The following KRT86 variants were observed in gnomAD, a reference collection of about 807,000 sequenced individuals.
The protein encoded by KRT86 is keratin 86.
In KRT86, 30 loss-of-function variants were observed where a neutral mutation model predicts 41.2. That is an observed-to-expected ratio of 0.73 (90% CI 0.54 to 0.99). The LOEUF (loss-of-function observed/expected upper bound fraction) is 0.99, where lower values mean the gene tolerates loss of function less well. KRT86 is among the 50% of genes least tolerant of loss of function. The pLI is 0.00. For missense variants in KRT86, 561 were observed against 571.4 expected, an observed-to-expected ratio of 0.98 and a Z score of 0.19; for synonymous variants, 238 against 238.1, an observed-to-expected ratio of 1.00 and a Z score of 0.00.
intron 2 of KRT86, among the ~76,000 whole-genome samples, chr12:52,280,714 C>A (rs761843436): frequency 7.2e-5 from 11 of 152,232 alleles, no homozygotes; most frequent in Non-Finnish European, 1.0e-4. Flanking sequence ...TAAATACTGA[C>A]CTGCCAACAC....
At chr12:52,285,187 ACATTGCC>A (rs1252911060) in intron 2 of KRT86, among the ~76,000 whole-genome samples, 1 of 152,176 alleles carries the variant, frequency 6.6e-6, no homozygotes, top group East Asian at 1.9e-4. Context: ...GAGGGTAAAT[ACATTGCC>A]CAACCCACTC....
At chr12:52,293,671 C>G (rs1938187561) in intron 2 of KRT86, among the ~76,000 whole-genome samples, 1 of 152,112 alleles carries the variant, frequency 6.6e-6, no homozygotes, top group African/African-American at 2.4e-5. Flanking sequence ...TGGAAAACAT[C>G]AGTTTTAGTT....
In KRT86 at chr12:52,293,105, T is replaced by G. The variant is rs548112819; in HGVS notation, c.-4-8808T>G. On this transcript the variant is annotated intron_variant, in intron 2 of 10. Coordinates refer to ENST00000423955, the MANE Select transcript of KRT86 (RefSeq NM_001320198.2). ...GGAGATGGAGGTTGGATCACTTCAG[T>G]ACATTTCCCCCTGTATTAGGAAAAA... 2.0e-5 allele frequency among the ~76,000 whole-genome samples: 3 copies of G among 152,332 alleles called. No individual in the cohort carries two copies. The East Asian group carries it at 5.8e-4, about 29-fold the overall frequency.
At chr12:52,305,474 G>A in intron 7 of KRT86, 70 bp downstream of exon 7, 1 of 1,612,732 alleles carries the variant, frequency 6.2e-7, no homozygotes, top group Non-Finnish European at 8.5e-7. Flanking sequence ...TATTAAATAG[G>A]CTTCCTTTTC....
Position 52,306,141 on chromosome 12 carries a change from G to A in KRT86, c.1108G>A (p.Glu370Lys), listed in dbSNP as rs200353690. The change falls in exon 9 of 11, where the codon GAG becomes AAG. Residue 370 changes from glutamate (E) to lysine (K), a missense_variant. By Grantham distance (56) the Glu-to-Lys change is moderately conservative. Around this residue, in one of 3 missense-constraint regions of KRT86, gnomAD observed 397 missense variants for 375.9 expected, o/e 1.06. Transcript: ENST00000423955. The stretch of plus-strand genomic sequence containing the variant: ...CAGCGATGCCCGCTGCAAGTTGGCC[G>A]AGCTGGAGGGTGCCCTGCAGAAGGC... Reference protein sequence around the residue: ...ALSDARCKLAELEGALQKAKQ... With the variant: ...ALSDARCKLAKLEGALQKAKQ... 7.4e-6 allele frequency: 12 copies of A among 1,613,842 alleles called. No homozygotes were observed. Among genetic ancestry groups the A allele is most frequent in the Admixed American group, 3.3e-5 (2 of 60,004 alleles).
chr12:52,293,699 A>G (rs1201259007), intron 2 of KRT86, among the ~76,000 whole-genome samples: 2 of 152,224 alleles, frequency 1.3e-5, no homozygotes, highest in Non-Finnish European at 2.9e-5. Flanking sequence ...TACCTCTGGT[A>G]TATGGCAATA....
intron 2 of KRT86, among the ~76,000 whole-genome samples, chr12:52,301,386 G>T (rs553119997): frequency 1.3e-5 from 2 of 152,244 alleles, no homozygotes; most frequent in African/African-American, 4.8e-5. Context: ...GCAGAAACAG[G>T]TCATCTAGTT....
chr12:52,283,712 T>C (rs1937837491), intron 2 of KRT86, among the ~76,000 whole-genome samples: 1 of 152,128 alleles, frequency 6.6e-6, no homozygotes, highest in Non-Finnish European at 1.5e-5. Context: ...ACTCCTGACC[T>C]CAGGTGATCT....
rs529007803 is a variant in KRT86, at chr12:52,306,504, T to A, written c.1247+224T>A. The A allele has an allele frequency of 8.6e-5, 60 of 695,760 alleles. No homozygotes were observed. In the African/African-American group the frequency reaches 9.1e-4, roughly 11 times the overall value. The allele number at this position is 695,760 out of a possible 1,614,324, so 43.1% of individuals were successfully genotyped here. On this transcript the variant is annotated intron_variant, in intron 9 of 10. Transcript: ENST00000423955. ...GCAGTCTTGTTCATCTCAGTTGAGA[T>A]CCAGTAATCTGGCAGCAGGTATTCC... is the stretch of plus-strand genomic sequence containing the variant.
intron 2 of KRT86, chr12:52,286,163 A>G: frequency 1.0e-6 from 1 of 986,044 alleles, no homozygotes; most frequent in East Asian, 2.6e-5. Flanking sequence ...CAGGAGAAGT[A>G]GCTGAGCACT....
At chr12:52,301,031 T>G (rs1442216799) in intron 2 of KRT86, among the ~76,000 whole-genome samples, 1 of 152,036 alleles carries the variant, frequency 6.6e-6, no homozygotes, top group Non-Finnish European at 1.5e-5. Flanking sequence ...CCTAATAAGG[T>G]GGCCTGAGGA....
intron 8 of KRT86, 103 bp from the exon 9 acceptor site, chr12:52,305,957 G>T (rs139424364): frequency 4.8e-5 from 76 of 1,572,214 alleles, no homozygotes; most frequent in Non-Finnish European, 6.3e-5. Context: ...AAGAGGCTCT[G>T]TTCTGGGGTG....
At chr12:52,299,729 G>A (rs954843261) in intron 2 of KRT86, among the ~76,000 whole-genome samples, 9 of 152,160 alleles carry the variant, frequency 5.9e-5, no homozygotes, top group Non-Finnish European at 1.2e-4. Flanking sequence ...TGTTGGTCAT[G>A]TATATGTCTT....
chr12:52,308,564 C>T lies in KRT86; in HGVS notation c.1440C>T (p.Gly480=). 1.9e-6 allele frequency: 3 copies of T among 1,599,068 alleles called. No homozygotes were observed. Among genetic ancestry groups the T allele is most frequent in the Middle Eastern group, 1.7e-4 (1 of 6,006 alleles). ...CCTCCGCCCGGGTTGGCGTCTGCGG[C>T]GGCAGCTGTAAGAGGTGCTAGGAGG... The part of the protein sequence containing the change: ...CAPSARVGVC[G]GSCKRC Residue 480 remains glycine, a synonymous_variant, in exon 11 of 11, where the codon GGC becomes GGT. Transcript: ENST00000423955.
At chr12:52,304,899 G>T in intron 5 of KRT86, 33 bp from the exon 6 acceptor site, 1 of 1,608,172 alleles carries the variant, frequency 6.2e-7, no homozygotes, top group Non-Finnish European at 8.5e-7. Flanking sequence ...GATCACCAGG[G>T]TCCTTGAGCT....
chr12:52,277,538 C>T (rs992741879), intron 2 of KRT86: 4 of 152,336 alleles, frequency 2.6e-5, no homozygotes, highest in African/African-American at 7.2e-5. Context: ...GTCAAGGACC[C>T]GCCAGCTCTG....
At chr12:52,294,605 A>C (rs1052647582) in intron 2 of KRT86, among the ~76,000 whole-genome samples, 2 of 152,166 alleles carry the variant, frequency 1.3e-5, no homozygotes, top group Non-Finnish European at 1.5e-5. Context: ...AATTATTTTT[A>C]TTGTGAAATA....
intron 2 of KRT86, among the ~76,000 whole-genome samples, chr12:52,283,131 C>G (rs943608666): frequency 4.6e-5 from 7 of 152,140 alleles, no homozygotes; most frequent in Non-Finnish European, 8.8e-5. Context: ...TGCGGTGGCT[C>G]ATGCCTGTAA....
intron 2 of KRT86, among the ~76,000 whole-genome samples, chr12:52,283,227 G>A (rs1937817899): frequency 7.8e-6 from 1 of 128,928 alleles, no homozygotes; most frequent in Admixed American, 8.4e-5. Context: ...AACCCCGTCA[G>A]TACTAAAAAT....
Sources: allele counts gnomAD v4.1 joint callset (sites outside exome capture counted in the v4.1 genomes callset), GRCh38; gene constraint gnomAD v4.1.1; regional missense constraint gnomAD v4.1.1; transcripts MANE v1.5; gene names NCBI Gene and HGNC (gene_info 2026-07-23, HGNC 2026-07-21).